AGPAT4: variants seen among roughly 807,000 people sequenced by gnomAD.
AGPAT4 encodes 1-acyl-sn-glycerol-3-phosphate acyltransferase delta.
A neutral mutation model predicts 48.0 loss-of-function variants in AGPAT4; 15 were observed. The ratio of observed to expected loss-of-function variants is 0.31; its 90% CI spans 0.21 to 0.48. The LOEUF (loss-of-function observed/expected upper bound fraction) is 0.48, where lower values mean the gene tolerates loss of function less well. Ranked by LOEUF, AGPAT4 falls within the 20% of genes least tolerant of loss-of-function variation. The pLI, the probability that AGPAT4 is intolerant of heterozygous loss-of-function variation, is 0.99. For missense variants in AGPAT4, 314 were observed against 482.5 expected, an observed-to-expected ratio of 0.65 and a Z score of 3.27; for synonymous variants, 178 against 198.7, an observed-to-expected ratio of 0.90 and a Z score of 0.88.
rs1247989378 is a variant in AGPAT4 at position 161,208,093 on chromosome 6, G to C, written c.178+23943C>G. Among the ~76,000 whole-genome samples, 1 of 152,058 alleles carries C rather than the reference G, an allele frequency of 6.6e-6. No homozygotes were observed. The highest frequency in any genetic ancestry group is 2.4e-5 in the African/African-American group (1 of 41,392). ...AATATTTCCTCCACCTCACAATCCT[G>C]TTAGTCTTGTTCAAAACAAGGCTAG... is the stretch of plus-strand genomic sequence containing the variant. On this transcript the variant is annotated intron_variant, in intron 2 of 8. Transcript: ENST00000320285. The surrounding 1 kb of genome is among the most constrained non-coding windows in gnomAD (Gnocchi z 4.6).
Position 161,272,534 on chromosome 6 carries a change from A to C in AGPAT4, c.-90+1404T>G, listed in dbSNP as rs1284558464. 6.6e-6 allele frequency among the ~76,000 whole-genome samples: 1 copy of C among 152,104 alleles called. No individual in the cohort carries two copies. Among genetic ancestry groups the C allele is most frequent in the East Asian group, 1.9e-4 (1 of 5,200 alleles). On this transcript the variant is annotated intron_variant, in intron 1 of 8. Transcript: ENST00000320285. This position sits in a 1 kb window ranked among gnomAD's most constrained non-coding sequence, Gnocchi z 4.2. ...GTCTTTCTAAGAGATGTGTTATTTG[A>C]TTCTAATTATAATTAACTTTGCTTA...
intron 4 of AGPAT4, 183 bp downstream of exon 4, chr6:161,153,966 C>A: frequency 1.3e-6 from 1 of 785,956 alleles, no homozygotes; most frequent in Non-Finnish European, 2.1e-6. Context: ...TACGTGGCCC[C>A]ACGGTCACAC....
At position 161,225,741 on chromosome 6, in the gene AGPAT4, A is replaced by G. The variant is rs935241351; in HGVS notation, c.178+6295T>C. ...TGCAGCGTGGACACACTTCAGAAGT[A>G]AAAGGTACCCGCAGGTGACAGAGGA... On this transcript the variant is annotated intron_variant, in intron 2 of 8. Transcript: ENST00000320285. The surrounding 1 kb of genome is among the most constrained non-coding windows in gnomAD (Gnocchi z 5.0). Among the ~76,000 whole-genome samples the G allele has an allele frequency of 3.3e-5, 5 of 152,164 alleles. No individual in the cohort carries two copies. The highest frequency in any genetic ancestry group is 9.7e-5 in the African/African-American group (4 of 41,428).
intron 2 of AGPAT4, among the ~76,000 whole-genome samples, chr6:161,199,121 C>T (rs1417376736): frequency 5.3e-5 from 8 of 151,008 alleles, no homozygotes; most frequent in Non-Finnish European, 8.9e-5. Context: ...AAAAAAAACA[C>T]GTTAATTGGC....
rs977159455 is a variant in AGPAT4, at chr6:161,264,696, C to T, written c.-90+9242G>A. Among the ~76,000 whole-genome samples the T allele has an allele frequency of 2.6e-5, 4 of 152,090 alleles. No individual in the cohort carries two copies. Among genetic ancestry groups the T allele is most frequent in the East Asian group, 3.8e-4 (2 of 5,198 alleles). On this transcript the variant is annotated intron_variant, in intron 1 of 8. Coordinates refer to ENST00000320285, the MANE Select transcript of AGPAT4 (RefSeq NM_020133.3). The surrounding 1 kb of genome is among the most constrained non-coding windows in gnomAD (Gnocchi z 6.8). The stretch of plus-strand genomic sequence containing the variant: ...TTTGTATTCCTGCGGGCTGAATGCA[C>T]GGGCTCCCTAAGAAACGCTGAAAGG...
rs924424095 is a variant in AGPAT4 at position 161,243,694 on chromosome 6, G to A, written c.-89-11392C>T. Among the ~76,000 whole-genome samples the A allele has an allele frequency of 2.0e-5, 3 of 152,104 alleles. No homozygotes were observed. The highest frequency in any genetic ancestry group is 1.9e-4 in the East Asian group (1 of 5,176). On this transcript the variant is annotated intron_variant, in intron 1 of 8. Transcript: ENST00000320285. The surrounding 1 kb of genome is among the most constrained non-coding windows in gnomAD (Gnocchi z 4.8). ...CAGTCGAAGCCCCTGCCTCTCTCCC[G>A]GGCTGACCGGTCTCCTCCTTCCCTT...
Position 161,143,935 on chromosome 6 carries a change from C to G in AGPAT4, c.843+2589G>C. 6.7e-6 allele frequency: 2 copies of G among 298,898 alleles called. 1 individual carries two copies. Among genetic ancestry groups the G allele is most frequent in the South Asian group, 5.7e-5 (2 of 35,170 alleles). The allele number at this position is 298,898 out of a possible 1,614,324, so 18.5% of individuals were successfully genotyped here. A position where few individuals can be genotyped will look rare whatever the true frequency, so the allele number is the denominator to read the frequency against. ...AAATTGAAAAGTCAGAGAACTACTG[C>G]CCTAAAATCCCAAGGTCAAAATCAA... On this transcript the variant is annotated intron_variant, in intron 7 of 8. Transcript: ENST00000320285. The surrounding 1 kb of genome is among the most constrained non-coding windows in gnomAD (Gnocchi z 4.7).
chr6:161,142,413 T>C lies in AGPAT4; in HGVS notation c.844-2793A>G, dbSNP rs914337458. Reference sequence around the variant, plus strand: ...TGTTTTTGTGTGTTACCGTGTGGCATAGTATAAAGTTGGAACTGGGAAATG... The same window carrying C: ...TGTTTTTGTGTGTTACCGTGTGGCACAGTATAAAGTTGGAACTGGGAAATG... On this transcript the variant is annotated intron_variant, in intron 7 of 8. Transcript: ENST00000320285. This position sits in a 1 kb window ranked among gnomAD's most constrained non-coding sequence, Gnocchi z 6.4. Among the ~76,000 whole-genome samples, 5 of 152,118 alleles carry C rather than the reference T, an allele frequency of 3.3e-5. No individual in the cohort carries two copies. The highest frequency in any genetic ancestry group is 9.7e-5 in the African/African-American group (4 of 41,416).
At position 161,146,425 on chromosome 6, in the gene AGPAT4, A is replaced by T; in HGVS notation, c.843+99T>A. On this transcript the variant is annotated intron_variant, in intron 7 of 8. Coordinates refer to ENST00000320285, the MANE Select transcript of AGPAT4 (RefSeq NM_020133.3). The surrounding 1 kb of genome is among the most constrained non-coding windows in gnomAD (Gnocchi z 7.1). ...ACTCACTAATAACTGGCTCTGTGAGATCTCGCCCACCGGAGAAAGGCCTGC... is the reference window on the plus strand; with the variant it reads ...ACTCACTAATAACTGGCTCTGTGAGTTCTCGCCCACCGGAGAAAGGCCTGC... The T allele has an allele frequency of 2.7e-6, 3 of 1,124,966 alleles. No homozygotes were observed. Among genetic ancestry groups the T allele is most frequent in the Non-Finnish European group, 3.9e-6 (3 of 768,710 alleles). 69.7% of individuals were successfully genotyped at this position (1,124,966 alleles called of 1,614,324 possible). A position where few individuals can be genotyped will look rare whatever the true frequency, so the allele number is the denominator to read the frequency against.
chr6:161,211,986 C>A lies in AGPAT4; in HGVS notation c.178+20050G>T, dbSNP rs568973215. ...GGTGGGTGCATGAGATTGTAAAGGT[C>A]GATTTTGAAAGATAAAATAAGTTCA... On this transcript the variant is annotated intron_variant, in intron 2 of 8. Coordinates refer to ENST00000320285, the MANE Select transcript of AGPAT4 (RefSeq NM_020133.3). Among the ~76,000 whole-genome samples the A allele has an allele frequency of 5.3e-5, 8 of 152,124 alleles. No homozygotes were observed. The South Asian group carries it at 1.5e-3, about 28-fold the overall frequency.
Position 161,240,388 on chromosome 6 carries a change from G to T in AGPAT4, c.-89-8086C>A, listed in dbSNP as rs1782451688. On this transcript the variant is annotated intron_variant, in intron 1 of 8. Transcript: ENST00000320285. This position sits in a 1 kb window ranked among gnomAD's most constrained non-coding sequence, Gnocchi z 5.5. ...AGATCCCTTCCAAGTCAAACACACGGCTGCCCTCCCAAGGCAAGCTTTTTC... is the reference window on the plus strand; with the variant it reads ...AGATCCCTTCCAAGTCAAACACACGTCTGCCCTCCCAAGGCAAGCTTTTTC... 6.6e-6 allele frequency among the ~76,000 whole-genome samples: 1 copy of T among 152,128 alleles called. No homozygotes were observed. Among genetic ancestry groups the T allele is most frequent in the Non-Finnish European group, 1.5e-5 (1 of 68,028 alleles).
intron 2 of AGPAT4, among the ~76,000 whole-genome samples, chr6:161,181,503 C>CG (rs776492737): frequency 2.4e-5 from 3 of 126,146 alleles, no homozygotes; most frequent in African/African-American, 9.0e-5. Context: ...GTGGGGGTAG[C>CG]AGGGGGCGGG....
intron 2 of AGPAT4, among the ~76,000 whole-genome samples, chr6:161,175,395 G>C (rs1264559276): frequency 6.6e-6 from 1 of 151,948 alleles, no homozygotes; most frequent in Non-Finnish European, 1.5e-5. Context: ...ATGTGTCCAG[G>C]AATTCATCCA....
rs1247660190 is a variant in AGPAT4, at chr6:161,234,435, C to T, written c.-89-2133G>A. Among the ~76,000 whole-genome samples the T allele has an allele frequency of 6.6e-6, 1 of 152,078 alleles. No individual in the cohort carries two copies. The highest frequency in any genetic ancestry group is 6.5e-5 in the Admixed American group (1 of 15,272). Reference sequence around the variant, plus strand: ...CTGAATCATCACATCTCTGGCCTTTCGCAGACGGCATTTCCACAGATATTT... The same window carrying T: ...CTGAATCATCACATCTCTGGCCTTTTGCAGACGGCATTTCCACAGATATTT... On this transcript the variant is annotated intron_variant, in intron 1 of 8. Coordinates refer to ENST00000320285, the MANE Select transcript of AGPAT4 (RefSeq NM_020133.3). The surrounding 1 kb of genome is among the most constrained non-coding windows in gnomAD (Gnocchi z 4.4).
At chr6:161,209,311 C>T (rs756596785) in intron 2 of AGPAT4, among the ~76,000 whole-genome samples, 2 of 152,200 alleles carry the variant, frequency 1.3e-5, no homozygotes, top group African/African-American at 2.4e-5. Context: ...ATTTCACCAA[C>T]AGCTGTGACA....
rs1280719728 is a variant in AGPAT4 at position 161,135,161 on chromosome 6, G to T, written c.*1379C>A. ...GAATAGGCCTTATAATGTGTGGCCA[G>T]TTTTTGTATAGAGCTGTTCATTCCT... On this transcript the variant is annotated 3_prime_UTR_variant, in exon 9 of 9. Coordinates refer to ENST00000320285, the MANE Select transcript of AGPAT4 (RefSeq NM_020133.3). The T allele has an allele frequency of 1.3e-5, 2 of 152,224 alleles. No homozygotes were observed. Among genetic ancestry groups the T allele is most frequent in the Admixed American group, 1.3e-4 (2 of 15,278 alleles). The allele number at this position is 152,224 out of a possible 1,614,324, so 9.4% of individuals were successfully genotyped here.
At chr6:161,183,190 C>G (rs1780649711) in intron 2 of AGPAT4, among the ~76,000 whole-genome samples, 1 of 152,166 alleles carries the variant, frequency 6.6e-6, no homozygotes, top group Non-Finnish European at 1.5e-5. Context: ...TGGACCAGTC[C>G]CTTTTCTTAT....
chr6:161,190,944 G>C (rs1424981590), intron 2 of AGPAT4, among the ~76,000 whole-genome samples: 1 of 152,140 alleles, frequency 6.6e-6, no homozygotes, highest in Non-Finnish European at 1.5e-5. Context: ...ATGTCCAGAG[G>C]AAAAAAGTTT....
At chr6:161,209,823 G>C (rs1781476782) in intron 2 of AGPAT4, among the ~76,000 whole-genome samples, 1 of 152,158 alleles carries the variant, frequency 6.6e-6, no homozygotes, top group South Asian at 2.1e-4. Flanking sequence ...TGATTGGTCA[G>C]AGACCAGGCA....
Sources: allele counts gnomAD v4.1 joint callset (sites outside exome capture counted in the v4.1 genomes callset), GRCh38; gene constraint gnomAD v4.1.1; non-coding constraint Gnocchi (gnomAD v3.1); transcripts MANE v1.5; gene names NCBI Gene and HGNC (gene_info 2026-07-23, HGNC 2026-07-21).